The following PRR16 variants were observed in gnomAD, a reference collection of about 807,000 sequenced individuals.
PRR16 encodes protein Largen.
In PRR16, 6 loss-of-function variants were observed where a neutral mutation model predicts 18.2. The ratio of observed to expected loss-of-function variants is 0.33; its 90% confidence interval spans 0.18 to 0.65. The LOEUF (loss-of-function observed/expected upper bound fraction) is 0.65. Among genes scored for constraint, PRR16 ranks in the 30% least tolerant of loss-of-function variants. PRR16 has a pLI of 0.74. For missense variants in PRR16, 412 were observed against 376.6 expected, an observed-to-expected ratio of 1.09 and a Z score of -0.78; for synonymous variants, 151 against 147.8, an observed-to-expected ratio of 1.02 and a Z score of -0.16.
intron 1 of PRR16, among the ~76,000 whole-genome samples, chr5:120,573,897 A>ATG (rs890224145): frequency 2.4e-3 from 171 of 72,168 alleles, no homozygotes; most frequent in African/African-American, 8.1e-3. Context: ...TTTGTATGAT[A>ATG]TGTGTGTATA....
the PRR16 span, among the ~76,000 whole-genome samples, chr5:120,747,707 C>T: frequency 6.6e-6 from 1 of 151,522 alleles, no homozygotes; most frequent in African/African-American, 2.4e-5. Context: ...TTTTTAGAGC[C>T]TAGGCTTTTA....
the PRR16 span, among the ~76,000 whole-genome samples, chr5:120,705,053 T>A: frequency 6.6e-6 from 1 of 151,528 alleles, no homozygotes. Context: ...TAAGTTTGTG[T>A]GATTCACTGG....
chr5:120,688,780 A>G (rs1757176374), downstream of PRR16, among the ~76,000 whole-genome samples: 1 of 152,200 alleles, frequency 6.6e-6, no homozygotes, highest in African/African-American at 2.4e-5. Context: ...AGAGCTTTCT[A>G]GCAACCACAC....
chr5:120,515,114 C>T (rs1042021984), intron 1 of PRR16, among the ~76,000 whole-genome samples: 2 of 152,188 alleles, frequency 1.3e-5, no homozygotes, highest in Non-Finnish European at 2.9e-5. Flanking sequence ...AGTGCTGCAT[C>T]TGGTGACAAC....
chr5:120,692,197 A>G (rs532904130), downstream of PRR16, among the ~76,000 whole-genome samples: 6 of 152,292 alleles, frequency 3.9e-5, no homozygotes, highest in Admixed American at 3.9e-4. Flanking sequence ...CTGTTGGGAG[A>G]TATAAGGTAG....
At chr5:120,579,870 A>G in intron 1 of PRR16, among the ~76,000 whole-genome samples, 1 of 152,148 alleles carries the variant, frequency 6.6e-6, no homozygotes, top group East Asian at 1.9e-4. Flanking sequence ...ATAAGCATGG[A>G]ATGCTTTTCC....
intron 1 of PRR16, among the ~76,000 whole-genome samples, chr5:120,626,609 T>C (rs1054026568): frequency 2.0e-5 from 3 of 152,158 alleles, no homozygotes; most frequent in Admixed American, 1.3e-4. Flanking sequence ...TTTTATCATA[T>C]GCAAATTTTG....
the PRR16 span, among the ~76,000 whole-genome samples, chr5:120,779,381 A>G: frequency 0.27 from 41,294 of 152,026 alleles, 5,971 homozygotes; most frequent in Non-Finnish European, 0.32. Flanking sequence ...TGATGGAAAC[A>G]TTCTGAAAGC....
the PRR16 span, among the ~76,000 whole-genome samples, chr5:120,733,828 C>T: frequency 8.6e-5 from 13 of 151,936 alleles, no homozygotes. Flanking sequence ...TACAATGTAT[C>T]CCTTGGTTTG....
intron 1 of PRR16, among the ~76,000 whole-genome samples, chr5:120,605,897 A>G (rs551562768): frequency 6.6e-6 from 1 of 152,276 alleles, no homozygotes; most frequent in African/African-American, 2.4e-5. Context: ...GTAGGGGGCC[A>G]TGCATTCACA....
the PRR16 span, among the ~76,000 whole-genome samples, chr5:120,759,256 G>C: frequency 6.6e-6 from 1 of 151,938 alleles, no homozygotes; most frequent in Admixed American, 6.6e-5. Context: ...GATTACAGGC[G>C]TGAGCCACCA....
the PRR16 span, among the ~76,000 whole-genome samples, chr5:120,740,429 A>G: frequency 6.6e-6 from 1 of 152,138 alleles, no homozygotes; most frequent in African/African-American, 2.4e-5. Flanking sequence ...CAGACTTTCT[A>G]TTGGAAATTT....
chr5:120,720,045 T>G, the PRR16 span, among the ~76,000 whole-genome samples: 1 of 151,994 alleles, frequency 6.6e-6, no homozygotes. Context: ...AGGCCCAAAG[T>G]AGAGCACACA....
intron 1 of PRR16, among the ~76,000 whole-genome samples, chr5:120,631,652 C>G (rs1233687706): frequency 2.6e-5 from 4 of 152,070 alleles, no homozygotes; most frequent in Non-Finnish European, 5.9e-5. Flanking sequence ...GAACTACACT[C>G]CTATTCCCCA....
Position 120,630,909 on chromosome 5 carries a change from A to G in PRR16, c.160-55045A>G, listed in dbSNP as rs141141894. ...CGCATTTTGAGAGATGTTTTAAGTTATCTAGTCTAGCTAGACTAGTAAATT... is the reference window on the plus strand; with the variant it reads ...CGCATTTTGAGAGATGTTTTAAGTTGTCTAGTCTAGCTAGACTAGTAAATT... On this transcript the variant is annotated intron_variant, in intron 1 of 1. Transcript: ENST00000407149. Among the ~76,000 whole-genome samples, 559 of 152,290 alleles carry G rather than the reference A, an allele frequency of 3.7e-3. 2 individuals carry two copies. Among genetic ancestry groups the G allele is most frequent in the South Asian group, 8.3e-3 (40 of 4,828 alleles).
the PRR16 span, among the ~76,000 whole-genome samples, chr5:120,750,118 T>C: frequency 2.0e-5 from 3 of 152,196 alleles, no homozygotes; most frequent in Non-Finnish European, 4.4e-5. Context: ...CAGTATGGTT[T>C]AGTTGAGTGT....
intron 1 of PRR16, among the ~76,000 whole-genome samples, chr5:120,526,950 G>A (rs1009399899): frequency 6.6e-6 from 1 of 152,120 alleles, no homozygotes; most frequent in Non-Finnish European, 1.5e-5. Flanking sequence ...ATATTGTACA[G>A]CAGATCTGTA....
chr5:120,723,209 G>C, the PRR16 span, among the ~76,000 whole-genome samples: 1 of 151,874 alleles, frequency 6.6e-6, no homozygotes, highest in African/African-American at 2.4e-5. Flanking sequence ...TAAAATGGTT[G>C]ATTTTACACA....
At chr5:120,489,941 G>A (rs1483071148) in intron 1 of PRR16, among the ~76,000 whole-genome samples, 2 of 152,116 alleles carry the variant, frequency 1.3e-5, no homozygotes, top group Admixed American at 1.3e-4. Flanking sequence ...GAAATTCTGG[G>A]TTGAAAATTC....
Sources: allele counts gnomAD v4.1 joint callset (sites outside exome capture counted in the v4.1 genomes callset), GRCh38; gene constraint gnomAD v4.1.1; transcripts MANE v1.5; gene names NCBI Gene and HGNC (gene_info 2026-07-23, HGNC 2026-07-21).